Variants in PAQR7 observed in about 807,000 individuals in gnomAD.
The protein encoded by PAQR7 is progestin and adipoQ receptor family member 7.
In PAQR7, 14 loss-of-function variants were observed where a neutral mutation model predicts 24.6. The ratio of observed to expected loss-of-function variants is 0.57; its 90% CI spans 0.38 to 0.89. The LOEUF (loss-of-function observed/expected upper bound fraction) is 0.89. Ranked by LOEUF, PAQR7 falls within the 40% of genes least tolerant of loss-of-function variation. The pLI is 0.00. For missense variants in PAQR7, 351 were observed against 444.0 expected (o/e 0.79, Z 1.88); for synonymous variants, 189 against 198.8 (o/e 0.95, Z 0.42).
chr1:25,868,297 G>A (rs2048573879), intron 2 of PAQR7, among the ~76,000 whole-genome samples: 2 of 152,214 alleles, frequency 1.3e-5, no homozygotes, highest in South Asian at 4.1e-4. Flanking sequence ...ACCAGCGAAT[G>A]ATGGCGATGG....
Position 25,863,921 on chromosome 1 carries a change from C to T in PAQR7, c.-22-60G>A. On this transcript the variant is annotated intron_variant, in intron 2 of 2. Transcript: ENST00000675840. This position sits in a 1 kb window ranked among gnomAD's most constrained non-coding sequence, Gnocchi z 6.1. ...GTGTCCTCACCCCCACGAGCAGCAG[C>T]TGGGGGGCTCTGATGCCCAAATCCT... is the stretch of plus-strand genomic sequence containing the variant. 1 of 1,323,072 alleles carries T rather than the reference C, an allele frequency of 7.6e-7. No individual in the cohort carries two copies. The highest frequency in any genetic ancestry group is 1.0e-6 in the Non-Finnish European group (1 of 972,648). 82.0% of individuals were successfully genotyped at this position (1,323,072 alleles called of 1,614,324 possible). A position where few individuals can be genotyped will look rare whatever the true frequency, so the allele number is the denominator to read the frequency against.
At chr1:25,864,973 G>A (rs1572277013) in intron 2 of PAQR7, among the ~76,000 whole-genome samples, 1 of 151,588 alleles carries the variant, frequency 6.6e-6, no homozygotes, top group South Asian at 2.1e-4. Context: ...TGGCTAACAC[G>A]GTGAAACCCC....
At chr1:25,869,185 T>C (rs913554423) in intron 2 of PAQR7, among the ~76,000 whole-genome samples, 1 of 152,168 alleles carries the variant, frequency 6.6e-6, no homozygotes, top group African/African-American at 2.4e-5. Context: ...GCCCACTCTT[T>C]ACAGTCCTGT....
chr1:25,874,990 C>G (rs2048637182), intron 1 of PAQR7, among the ~76,000 whole-genome samples: 1 of 152,180 alleles, frequency 6.6e-6, no homozygotes, highest in South Asian at 2.1e-4. Context: ...GCACCCATAC[C>G]CCTTCCTGTC....
At chr1:25,872,766 C>T (rs564339186) in intron 1 of PAQR7, among the ~76,000 whole-genome samples, 18 of 152,276 alleles carry the variant, frequency 1.2e-4, no homozygotes, top group African/African-American at 4.3e-4. Flanking sequence ...CCACCTTGGC[C>T]TCCCAAAGTG....
At position 25,863,276 on chromosome 1, in the gene PAQR7, G is replaced by A; in HGVS notation, c.564C>T (p.Gly188=). ...TCTGGATGTACTTGTTATAGCAGGA[G>A]CCAATGCAGGAAAGCCAGGCGAGAA... The part of the protein sequence containing the change: ...AAFLAWLSCI[G]SCYNKYIQKP... The change falls in exon 3 of 3, where the codon GGC becomes GGT. Residue 188 remains glycine (G), a synonymous_variant. Transcript: ENST00000675840. This position sits in a 1 kb window ranked among gnomAD's most constrained non-coding sequence, Gnocchi z 6.1. The A allele has an allele frequency of 6.2e-7, 1 of 1,614,252 alleles. No individual in the cohort carries two copies. The highest frequency in any genetic ancestry group is 8.5e-7 in the Non-Finnish European group (1 of 1,180,048).
intron 1 of PAQR7, among the ~76,000 whole-genome samples, chr1:25,873,613 C>T (rs1489220858): frequency 6.6e-6 from 1 of 152,012 alleles, no homozygotes; most frequent in African/African-American, 2.4e-5. Flanking sequence ...GGGTATCACT[C>T]TGTCCCCAGG....
In PAQR7 at chr1:25,863,132, T is replaced by G. The variant is rs755946715; in HGVS notation, c.708A>C (p.Pro236=). The change falls in exon 3 of 3, where the codon CCA becomes CCC. Residue 236 remains proline, a synonymous_variant. Coordinates refer to ENST00000675840, the MANE Select transcript of PAQR7 (RefSeq NM_178422.6). This position sits in a 1 kb window ranked among gnomAD's most constrained non-coding sequence, Gnocchi z 6.1. ...FVSSDPTTDD[P]ALLYHKCQVV... The stretch of plus-strand genomic sequence containing the variant: ...CCTGGCACTTGTGGTAGAGAAGAGC[T>G]GGATCATCCGTGGTGGGGTCGGAGG... 6.2e-7 allele frequency: 1 copy of G among 1,614,176 alleles called. No homozygotes were observed. Among genetic ancestry groups the G allele is most frequent in the Non-Finnish European group, 8.5e-7 (1 of 1,180,050 alleles).
chr1:25,870,922 A>C (rs571050751), intron 1 of PAQR7: 9 of 152,334 alleles, frequency 5.9e-5, no homozygotes, highest in Admixed American at 5.9e-4. Context: ...GTAAAGATTA[A>C]ATTTATTAGA....
At chr1:25,872,614 C>T (rs2048614882) in intron 1 of PAQR7, among the ~76,000 whole-genome samples, 1 of 151,444 alleles carries the variant, frequency 6.6e-6, no homozygotes, top group Non-Finnish European at 1.5e-5. Flanking sequence ...CTCCCAGTCT[C>T]CGGTGATCCT....
Position 25,863,855 on chromosome 1 carries a change from C to T in PAQR7, c.-16G>A, listed in dbSNP as rs1347833042. 4 of 1,599,848 alleles carry T rather than the reference C, an allele frequency of 2.5e-6. No individual in the cohort carries two copies. The highest frequency in any genetic ancestry group is 2.6e-6 in the Non-Finnish European group (3 of 1,173,166). Reference sequence around the variant, plus strand: ...CCATGGCCATGGCTGTGGGCCTGGGCAGGGAGCTGGGAGAGAGACCAGAGC... The same window carrying T: ...CCATGGCCATGGCTGTGGGCCTGGGTAGGGAGCTGGGAGAGAGACCAGAGC... On this transcript the variant is annotated 5_prime_UTR_variant, in exon 3 of 3. Coordinates refer to ENST00000675840, the MANE Select transcript of PAQR7 (RefSeq NM_178422.6). The surrounding 1 kb of genome is among the most constrained non-coding windows in gnomAD (Gnocchi z 6.1).
At chr1:25,869,095 C>G (rs2048582199) in intron 2 of PAQR7, among the ~76,000 whole-genome samples, 1 of 151,882 alleles carries the variant, frequency 6.6e-6, no homozygotes, top group African/African-American at 2.4e-5. Flanking sequence ...CTACTGCACT[C>G]AAGCCTGGGC....
In PAQR7 at chr1:25,862,837, G is replaced by A. The variant is rs1256938952; in HGVS notation, c.1003C>T (p.Gln335Ter). 13 of 1,614,178 alleles carry A rather than the reference G, an allele frequency of 8.1e-6. No homozygotes were observed. Among genetic ancestry groups the A allele is most frequent in the Non-Finnish European group, 1.1e-5 (13 of 1,180,026 alleles). Reference sequence around the variant, plus strand: ...TGATCAAGTTTGCGCTGTACCAGCTGGCTCAGGAGGAATGCAGTGAGGATG... The same window carrying A: ...TGATCAAGTTTGCGCTGTACCAGCTAGCTCAGGAGGAATGCAGTGAGGATG... The part of the protein sequence containing the change: ...SSILTAFLLS[Q>*]LVQRKLDQKT... Residue 335 changes from glutamine to a stop codon, truncating the protein, a stop_gained, in exon 3 of 3, where the codon CAG (glutamine) becomes TAG (stop). Coordinates refer to ENST00000675840, the MANE Select transcript of PAQR7 (RefSeq NM_178422.6). LOFTEE classifies it high-confidence loss of function.
At chr1:25,864,883 G>A (rs1020950116) in intron 2 of PAQR7, among the ~76,000 whole-genome samples, 5 of 152,064 alleles carry the variant, frequency 3.3e-5, no homozygotes, top group Admixed American at 1.3e-4. Flanking sequence ...GCGGCCAGGT[G>A]CGGTGGCTCA....
intron 1 of PAQR7, among the ~76,000 whole-genome samples, chr1:25,872,283 G>A (rs1036255238): frequency 6.2e-4 from 95 of 152,078 alleles, no homozygotes; most frequent in African/African-American, 2.2e-3. Context: ...GTGTGACCTT[G>A]GACAAGTCCC....
rs1355400014 is a variant in PAQR7 at position 25,870,711 on chromosome 1, AGAATG to A, written c.-108-22_-108-18del. 6.6e-6 allele frequency: 1 copy of A among 152,262 alleles called. No homozygotes were observed. The highest frequency in any genetic ancestry group is 2.4e-5 in the African/African-American group (1 of 41,458). 9.4% of individuals were successfully genotyped at this position (152,262 alleles called of 1,614,324 possible). A position where few individuals can be genotyped will look rare whatever the true frequency, so the allele number is the denominator to read the frequency against. On this transcript the variant is annotated intron_variant, in intron 1 of 2. Coordinates refer to ENST00000675840, the MANE Select transcript of PAQR7 (RefSeq NM_178422.6). ...TCCTGTCCACTACTCAGTGGGAATC[AGAATG>A]GAAGAAGGTTAGGAATAAAGGAAAA... is the stretch of plus-strand genomic sequence containing the variant.
At chr1:25,868,676 C>T (rs2048577761) in intron 2 of PAQR7, among the ~76,000 whole-genome samples, 1 of 143,516 alleles carries the variant, frequency 7.0e-6, no homozygotes, top group African/African-American at 2.6e-5. Flanking sequence ...TGCCACTGCA[C>T]TCCAGCCTGG....
chr1:25,870,427 G>A (rs774884083), intron 2 of PAQR7, among the ~76,000 whole-genome samples, 182 bp downstream of exon 2: 2 of 152,118 alleles, frequency 1.3e-5, no homozygotes, highest in African/African-American at 4.8e-5. Flanking sequence ...TGTCACCAGA[G>A]GGTGGGGCTA....
chr1:25,863,118 T>G lies in PAQR7; in HGVS notation c.722A>C (p.His241Pro). Reference protein sequence around the residue: ...PTTDDPALLYHKCQVVFFLLA... With the variant: ...PTTDDPALLYPKCQVVFFLLA... The stretch of plus-strand genomic sequence containing the variant: ...CAGAAAGAAGACCACCTGGCACTTG[T>G]GGTAGAGAAGAGCTGGATCATCCGT... Residue 241 changes from histidine (H) to proline (P), a missense_variant, in exon 3 of 3, where the codon CAC (histidine) becomes CCC (proline). By Grantham distance (77) the His-to-Pro change is moderately conservative (BLOSUM62 -2). Coordinates refer to ENST00000675840, the MANE Select transcript of PAQR7 (RefSeq NM_178422.6). The surrounding 1 kb of genome is among the most constrained non-coding windows in gnomAD (Gnocchi z 6.1). 6.2e-7 allele frequency: 1 copy of G among 1,614,048 alleles called. No homozygotes were observed. Among genetic ancestry groups the G allele is most frequent in the Non-Finnish European group, 8.5e-7 (1 of 1,180,024 alleles).
Sources: gnomAD v4.1 joint callset for allele counts (sites outside exome capture counted in the v4.1 genomes callset) on GRCh38, gnomAD v4.1.1 for gene constraint, Gnocchi (gnomAD v3.1) non-coding constraint, MANE v1.5 for transcripts, NCBI Gene and HGNC (gene_info 2026-07-23, HGNC 2026-07-21) for gene names.